XG: variants seen among roughly 807,000 people sequenced by gnomAD.
The protein encoded by XG is Xg glycoprotein (Xg blood group).
Under a neutral mutation model 25.7 loss-of-function variants are expected in XG, and 24 were observed. The ratio of observed to expected loss-of-function variants is 0.93; its 90% confidence interval spans 0.68 to 1.31. The LOEUF is 1.31. Ranked by LOEUF, XG falls within the 40% of genes most tolerant of loss-of-function variation. The probability of loss-of-function intolerance (pLI) is 0.00; values close to 1 mark genes in which losing one functional copy is unlikely to be tolerated. For synonymous variants in XG, 77 were observed against 69.2 expected (o/e 1.11, Z -0.56); for missense variants, 181 against 187.6 (o/e 0.96, Z 0.21).
chrX:2,782,880 G>C (rs144027723), intron 4 of XG, among the ~76,000 whole-genome samples: 243 of 111,768 alleles, frequency 2.2e-3, no homozygotes, highest in African/African-American at 7.7e-3. Flanking sequence ...AGGCAAGAAG[G>C]GGGTCTTTTT....
At chrX:2,758,158 G>A (rs944599615) in intron 1 of XG, among the ~76,000 whole-genome samples, 2 of 151,880 alleles carry the variant, frequency 1.3e-5, no homozygotes, top group Non-Finnish European at 2.9e-5. Flanking sequence ...TCCCTGCAAA[G>A]GATCTAGCAA....
At chrX:2,799,051 C>T (rs184653710) in intron 7 of XG, among the ~76,000 whole-genome samples, 266 of 110,704 alleles carry the variant, frequency 2.4e-3, no homozygotes, top group Non-Finnish European at 3.5e-3. Context: ...AGAACCAAGA[C>T]TCAACCACCA....
chrX:2,782,121 C>A lies in XG; in HGVS notation c.183C>A (p.Ser61Arg). ...ACCCACAGCCCGAGAATCCCGACAG[C>A]GGTGGAAGTAAGAATCCGCAGGCCT... Reference protein sequence around the residue: ...PYYPQPENPDSGGNIYPRPKP... With the variant: ...PYYPQPENPDRGGNIYPRPKP... Residue 61 changes from serine to arginine, a missense_variant, in exon 4 of 11, where the codon AGC (serine) becomes AGA (arginine). Coordinates refer to ENST00000644266, the MANE Select transcript of XG (RefSeq NM_001141919.2). 8.3e-7 allele frequency: 1 copy of A among 1,211,647 alleles called. No individual in the cohort carries two copies. The highest frequency in any genetic ancestry group is 3.0e-5 in the East Asian group (1 of 33,837).
chrX:2,763,632 G>T (rs183393498), intron 1 of XG, among the ~76,000 whole-genome samples: 2 of 152,252 alleles, frequency 1.3e-5, no homozygotes, highest in Non-Finnish European at 2.9e-5. Context: ...TCCACATTAA[G>T]CCCCTGCTTC....
chrX:2,776,374 A>C (rs1339060738), intron 3 of XG, among the ~76,000 whole-genome samples: 1 of 151,052 alleles, frequency 6.6e-6, no homozygotes, highest in Non-Finnish European at 1.5e-5. Context: ...GACTATTACA[A>C]GGTGATAGAC....
chrX:2,753,261 G>A (rs2050370730), intron 1 of XG, among the ~76,000 whole-genome samples: 1 of 152,150 alleles, frequency 6.6e-6, no homozygotes, highest in Non-Finnish European at 1.5e-5. Flanking sequence ...TTATTATTCT[G>A]TGCTGTCTTC....
intron 5 of XG, among the ~76,000 whole-genome samples, chrX:2,793,716 G>T (rs764080629): frequency 1.8e-5 from 2 of 111,624 alleles, no homozygotes; most frequent in Non-Finnish European, 3.8e-5. Flanking sequence ...AGAGACAGGG[G>T]GATGGTGCTG....
At chrX:2,801,776 T>G (rs1236167535) in intron 7 of XG, among the ~76,000 whole-genome samples, 3 of 110,794 alleles carry the variant, frequency 2.7e-5, no homozygotes, top group Non-Finnish European at 5.7e-5. Flanking sequence ...TGGCGTCATC[T>G]CGGCTCACTG....
At chrX:2,767,293 C>T (rs1460316618) in intron 1 of XG, among the ~76,000 whole-genome samples, 2 of 152,074 alleles carry the variant, frequency 1.3e-5, no homozygotes, top group Non-Finnish European at 2.9e-5. Context: ...CGAAGGGTCC[C>T]GAGCACAGCT....
chrX:2,811,531 C>G, intron 10 of XG, 79 bp downstream of exon 10: 1 of 724,089 alleles, frequency 1.4e-6, no homozygotes. Context: ...ATGTCTGTCA[C>G]TAGCAAGGTT....
At chrX:2,803,898 A>G (rs2086968628) in intron 7 of XG, among the ~76,000 whole-genome samples, 1 of 110,284 alleles carries the variant, frequency 9.1e-6, no homozygotes, top group Non-Finnish European at 1.9e-5. Context: ...GCTTGAGTGC[A>G]GTGGTGTGAT....
At chrX:2,801,131 A>G (rs1000376513) in intron 7 of XG, among the ~76,000 whole-genome samples, 1 of 111,022 alleles carries the variant, frequency 9.0e-6, no homozygotes, top group Non-Finnish European at 1.9e-5. Context: ...TAAGACGGGA[A>G]TCGCAATAGA....
intron 9 of XG, 69 bp downstream of exon 9, chrX:2,808,289 A>T (rs1043666041): frequency 2.6e-4 from 300 of 1,144,324 alleles, no homozygotes; most frequent in Non-Finnish European, 4.8e-5. Context: ...TGCTGGGAGG[A>T]GCTGTGTGGG....
intron 1 of XG, among the ~76,000 whole-genome samples, chrX:2,766,782 G>A (rs1479635101): frequency 1.3e-5 from 2 of 151,416 alleles, no homozygotes; most frequent in East Asian, 3.9e-4. Context: ...AGCCAGGATG[G>A]TCTCGATCTC....
intron 2 of XG, among the ~76,000 whole-genome samples, chrX:2,772,846 C>T (rs781187806): frequency 6.6e-5 from 10 of 152,260 alleles, no homozygotes; most frequent in African/African-American, 2.2e-4. Context: ...CTACCAAGAG[C>T]CCCCCATGAA....
chrX:2,777,163 A>G (rs2051017140), intron 3 of XG, among the ~76,000 whole-genome samples: 1 of 152,242 alleles, frequency 6.6e-6, no homozygotes, highest in Non-Finnish European at 1.5e-5. Flanking sequence ...ACAAGCCGGT[A>G]AAACTAAGTG....
rs758364574 is a variant in XG, at chrX:2,782,107, G to A, written c.169G>A (p.Glu57Lys). 3 of 1,210,140 alleles carry A rather than the reference G, an allele frequency of 2.5e-6. No individual in the cohort carries two copies. Among genetic ancestry groups the A allele is most frequent in the Non-Finnish European group, 3.4e-6 (3 of 895,218 alleles). Residue 57 changes from glutamate to lysine, a missense_variant, in exon 4 of 11, where the codon GAG becomes AAG. Coordinates refer to ENST00000644266, the MANE Select transcript of XG (RefSeq NM_001141919.2). Reference sequence around the variant, plus strand: ...AAAACCACCTTACTACCCACAGCCCGAGAATCCCGACAGCGGTGGAAGTAA... The same window carrying A: ...AAAACCACCTTACTACCCACAGCCCAAGAATCCCGACAGCGGTGGAAGTAA... ...KPKPPYYPQP[E>K]NPDSGGNIYP...
At chrX:2,778,869 G>A (rs1288199488) in intron 3 of XG, among the ~76,000 whole-genome samples, 1 of 151,802 alleles carries the variant, frequency 6.6e-6, no homozygotes, top group Non-Finnish European at 1.5e-5. Flanking sequence ...CTCCTCCCGG[G>A]TTCAAGTAAT....
At chrX:2,794,370 C>T (rs776323086) in intron 5 of XG, among the ~76,000 whole-genome samples, 165 bp from the exon 6 acceptor site, 23 of 112,498 alleles carry the variant, frequency 2.0e-4, no homozygotes, top group Non-Finnish European at 2.8e-4. Flanking sequence ...GGCGGCCAGC[C>T]CACAAGGTAA....
Sources: gnomAD v4.1 joint callset for allele counts (sites outside exome capture counted in the v4.1 genomes callset) on GRCh38, gnomAD v4.1.1 for gene constraint, MANE v1.5 for transcripts, NCBI Gene and HGNC (gene_info 2026-07-23, HGNC 2026-07-21) for gene names.